Variants in NAV2 observed in about 807,000 individuals in gnomAD.
NAV2 encodes the protein helicase, APC down-regulated 1.
A neutral mutation model predicts 223.2 loss-of-function variants in NAV2; 54 were observed. The observed-to-expected ratio is 0.24, with a 90% CI of 0.19 to 0.30. The LOEUF (loss-of-function observed/expected upper bound fraction) is 0.30. Ranked by LOEUF, NAV2 falls within the 10% of genes least tolerant of loss-of-function variation. The probability of loss-of-function intolerance (pLI) is 1.00; values close to 1 mark genes in which losing one functional copy is unlikely to be tolerated. For synonymous variants in NAV2, 1,279 were observed against 1,239.3 expected (o/e 1.03, Z -0.67); for missense variants, 2,806 against 3,147.5 (o/e 0.89, Z 2.60).
intron 1 of NAV2, among the ~76,000 whole-genome samples, chr11:19,488,682 T>C (rs1040823846): frequency 4.6e-5 from 7 of 152,226 alleles, no homozygotes. Context: ...AATTAGCAGC[T>C]AGTTATTGCT....
At chr11:19,975,690 G>T (rs1263082707) in intron 10 of NAV2, among the ~76,000 whole-genome samples, 1 of 152,206 alleles carries the variant, frequency 6.6e-6, no homozygotes, top group East Asian at 1.9e-4. Flanking sequence ...AACGTGAATT[G>T]TAGCAATGCC....
At chr11:19,955,458 A>G (rs2047771683) in intron 10 of NAV2, among the ~76,000 whole-genome samples, 1 of 152,220 alleles carries the variant, frequency 6.6e-6, no homozygotes, top group Admixed American at 6.5e-5. Flanking sequence ...ATATTCCGCT[A>G]AATGAATTTG....
chr11:19,543,247 T>C (rs1194177192), intron 1 of NAV2, among the ~76,000 whole-genome samples: 3 of 152,218 alleles, frequency 2.0e-5, no homozygotes, highest in Admixed American at 1.3e-4. Context: ...AAAGTAGAGA[T>C]AAAAATGACT....
chr11:19,658,924 A>G (rs372402162), intron 1 of NAV2, among the ~76,000 whole-genome samples: 18 of 152,174 alleles, frequency 1.2e-4, no homozygotes, highest in East Asian at 1.2e-3. Flanking sequence ...GAAGCCAGGT[A>G]CCTCTCTCCA....
chr11:19,416,815 T>C (rs1181180554), intron 1 of NAV2, among the ~76,000 whole-genome samples: 1 of 152,186 alleles, frequency 6.6e-6, no homozygotes, highest in Non-Finnish European at 1.5e-5. Flanking sequence ...ACCTGATCTT[T>C]GACAAACCTG....
chr11:20,029,964 C>T (rs1770529051), intron 11 of NAV2, among the ~76,000 whole-genome samples: 1 of 152,108 alleles, frequency 6.6e-6, no homozygotes, highest in Non-Finnish European at 1.5e-5. Context: ...TATCTTCTAG[C>T]CATTTCTCTA....
At chr11:19,806,480 T>C (rs2058566635) in intron 1 of NAV2, among the ~76,000 whole-genome samples, 1 of 152,232 alleles carries the variant, frequency 6.6e-6, no homozygotes, top group African/African-American at 2.4e-5. Context: ...AACCTCTTGA[T>C]CTCTCATATC....
intron 8 of NAV2, among the ~76,000 whole-genome samples, chr11:19,943,588 A>G (rs951021019): frequency 2.0e-5 from 3 of 152,170 alleles, no homozygotes; most frequent in Non-Finnish European, 4.4e-5. Context: ...AGAAAAGTTA[A>G]TTCTGTTATA....
chr11:19,812,580 A>G (rs866605626), intron 1 of NAV2, among the ~76,000 whole-genome samples: 13 of 152,068 alleles, frequency 8.5e-5, no homozygotes, highest in African/African-American at 9.7e-5. Flanking sequence ...AAATAATTAC[A>G]AGAGTAATGA....
intron 6 of NAV2, among the ~76,000 whole-genome samples, chr11:19,920,870 C>T (rs892333548): frequency 6.6e-6 from 1 of 152,124 alleles, no homozygotes; most frequent in Non-Finnish European, 1.5e-5. Context: ...CTTAGCCTTA[C>T]AAAAAATTGT....
At chr11:19,369,841 C>A (rs1185176438) in intron 1 of NAV2, among the ~76,000 whole-genome samples, 2 of 152,176 alleles carry the variant, frequency 1.3e-5, no homozygotes, top group African/African-American at 4.8e-5. Flanking sequence ...GGCACCTTGA[C>A]ATCTCTTTTC....
chr11:19,664,773 T>A (rs1250378582), intron 1 of NAV2, among the ~76,000 whole-genome samples: 1 of 152,198 alleles, frequency 6.6e-6, no homozygotes, highest in African/African-American at 2.4e-5. Flanking sequence ...AGGAGAATGT[T>A]GAGTTCCACC....
intron 1 of NAV2, among the ~76,000 whole-genome samples, chr11:19,399,404 G>C (rs546053228): frequency 6.6e-6 from 1 of 152,208 alleles, no homozygotes; most frequent in Non-Finnish European, 1.5e-5. Context: ...GTCAGAGATT[G>C]GATGTACTCC....
At chr11:19,672,806 A>G (rs1590068437) in intron 1 of NAV2, among the ~76,000 whole-genome samples, 1 of 152,296 alleles carries the variant, frequency 6.6e-6, no homozygotes, top group East Asian at 1.9e-4. Context: ...ATCAGGGGTC[A>G]GGGAACCATG....
At chr11:19,698,117 T>C (rs1409715525) in intron 1 of NAV2, among the ~76,000 whole-genome samples, 1 of 152,162 alleles carries the variant, frequency 6.6e-6, no homozygotes, top group African/African-American at 2.4e-5. Flanking sequence ...GCTCATTGTG[T>C]AATCCAGGAG....
intron 1 of NAV2, among the ~76,000 whole-genome samples, chr11:19,355,504 C>T (rs1025149073): frequency 1.3e-5 from 2 of 152,078 alleles, no homozygotes; most frequent in Non-Finnish European, 2.9e-5. Flanking sequence ...AACCTCTTGT[C>T]TTCATTTTTA....
At chr11:19,347,507 T>C (rs909591417), upstream of NAV2, among the ~76,000 whole-genome samples, 1 of 152,198 alleles carries the variant, frequency 6.6e-6, no homozygotes, top group Non-Finnish European at 1.5e-5. Context: ...AGGCTGTTTG[T>C]ACCAGGCAGG....
chr11:19,873,365 C>A (rs1160271044), intron 4 of NAV2, among the ~76,000 whole-genome samples: 1 of 151,964 alleles, frequency 6.6e-6, no homozygotes, highest in African/African-American at 2.4e-5. Flanking sequence ...GGGACATTTC[C>A]CCCCAGATTT....
At chr11:19,524,203 T>C (rs1242011194) in intron 1 of NAV2, among the ~76,000 whole-genome samples, 1 of 152,180 alleles carries the variant, frequency 6.6e-6, no homozygotes. Flanking sequence ...CCAGTATTTG[T>C]TGAGTAGATG....
Sources: gnomAD v4.1 joint callset for allele counts (sites outside exome capture counted in the v4.1 genomes callset) on GRCh38, gnomAD v4.1.1 for gene constraint, MANE v1.5 for transcripts, NCBI Gene and HGNC (gene_info 2026-07-23, HGNC 2026-07-21) for gene names.